Variants in PCDHGA5 observed in about 807,000 individuals in gnomAD.
The protein encoded by PCDHGA5 is protocadherin gamma subfamily A, 5.
PCDHGA5 carries 36 observed loss-of-function variants against 56.7 expected under a neutral mutation model. The observed-to-expected ratio is 0.64, with a 90% CI of 0.49 to 0.84. PCDHGA5 has a LOEUF of 0.84. Among genes scored for constraint, PCDHGA5 ranks in the 40% least tolerant of loss-of-function variants. The probability of loss-of-function intolerance (pLI) is 0.00; values close to 1 mark genes in which losing one functional copy is unlikely to be tolerated. For missense variants in PCDHGA5, 1,305 were observed against 1,201.5 expected (o/e 1.09, Z -1.27); for synonymous variants, 563 against 520.2 (o/e 1.08, Z -1.12).
intron 1 of PCDHGA5, among the ~76,000 whole-genome samples, chr5:141,465,319 T>A (rs184635197): frequency 4.6e-5 from 7 of 152,324 alleles, no homozygotes; most frequent in Admixed American, 1.3e-4. Flanking sequence ...GCCATGTCAA[T>A]GCAGTATTTT....
intron 1 of PCDHGA5, chr5:141,384,205 A>T: frequency 6.2e-7 from 1 of 1,613,874 alleles, no homozygotes; most frequent in Non-Finnish European, 8.5e-7. Context: ...GTCCAGGGAA[A>T]CTCACATATT....
At chr5:141,383,101 T>C (rs1561594429) in intron 1 of PCDHGA5, 2 of 1,613,954 alleles carry the variant, frequency 1.2e-6, no homozygotes, top group Non-Finnish European at 8.5e-7. Flanking sequence ...CCGCATCATC[T>C]CCAGAGGTAG....
At chr5:141,412,264 CT>C (rs765219351) in intron 1 of PCDHGA5, 4 of 152,206 alleles carry the variant, frequency 2.6e-5, no homozygotes, top group Non-Finnish European at 4.4e-5. Context: ...TTTTCTAAAA[CT>C]TTTAGTACTT....
Position 141,372,286 on chromosome 5 carries a change from C to T in PCDHGA5, c.2421+5535C>T, listed in dbSNP as rs62620706. 47 of 1,613,150 alleles carry T rather than the reference C, an allele frequency of 2.9e-5. No homozygotes were observed. The African/African-American group carries it at 5.9e-4, about 20-fold the overall frequency. ...ACGGGTGAGGTGCGCACGGCGCGTA[C>T]CTTGGGCGACAGGGAGGCCGCCCGC... On this transcript the variant is annotated intron_variant, in intron 1 of 3. Coordinates refer to ENST00000518069, the MANE Select transcript of PCDHGA5 (RefSeq NM_018918.3).
At chr5:141,422,044 G>A (rs780284162) in intron 1 of PCDHGA5, 1 of 1,611,530 alleles carries the variant, frequency 6.2e-7, no homozygotes, top group Non-Finnish European at 8.5e-7. Flanking sequence ...TCCAGACGAG[G>A]GAATCAACGG....
chr5:141,430,761 T>G, intron 1 of PCDHGA5: 5 of 1,506,132 alleles, frequency 3.3e-6, no homozygotes, highest in Non-Finnish European at 3.5e-6. Context: ...AAGATAAGAA[T>G]GATTCCTGCG....
At chr5:141,441,852 G>A in intron 1 of PCDHGA5, 1 of 352,826 alleles carries the variant, frequency 2.8e-6, no homozygotes, top group South Asian at 2.4e-5. Flanking sequence ...TGGATATGGT[G>A]CTGCACGCCG....
chr5:141,491,537 C>T lies in PCDHGA5; in HGVS notation c.2422-3270C>T, dbSNP rs1330469043. The T allele has an allele frequency of 3.1e-6, 5 of 1,613,908 alleles. No homozygotes were observed. The highest frequency in any genetic ancestry group is 4.2e-6 in the Non-Finnish European group (5 of 1,180,020). On this transcript the variant is annotated intron_variant, in intron 1 of 3. Transcript: ENST00000518069. This position sits in a 1 kb window ranked among gnomAD's most constrained non-coding sequence, Gnocchi z 6.9. ...AAGTACATGGAGGTGACGCTGCGGC[C>T]CACAGACTCGCAGAGCCACTGCTAC...
chr5:141,433,397 A>ATCTATCTATCTG (rs2097600396), intron 1 of PCDHGA5, among the ~76,000 whole-genome samples: 2 of 150,410 alleles, frequency 1.3e-5, no homozygotes, highest in African/African-American at 2.5e-5. Flanking sequence ...CTATCTATCT[A>ATCTATCTATCTG]TCTATCTATT....
In PCDHGA5 at chr5:141,370,973, G is replaced by T. The variant is rs763236238; in HGVS notation, c.2421+4222G>T. ...ACCTGGATGGCAGTAGGTACCCAGA[G>T]CTAGTACTGAAAGCACCCCTGGACA... is the stretch of plus-strand genomic sequence containing the variant. On this transcript the variant is annotated intron_variant, in intron 1 of 3. Coordinates refer to ENST00000518069, the MANE Select transcript of PCDHGA5 (RefSeq NM_018918.3). 9.3e-6 allele frequency: 15 copies of T among 1,614,010 alleles called. No individual in the cohort carries two copies. Among genetic ancestry groups the T allele is most frequent in the Admixed American group, 1.7e-5 (1 of 60,024 alleles).
intron 1 of PCDHGA5, chr5:141,398,495 T>G: frequency 1.2e-6 from 2 of 1,610,214 alleles, no homozygotes; most frequent in Non-Finnish European, 1.7e-6. Context: ...AATGTGGAGA[T>G]CGAGGACATT....
At position 141,364,745 on chromosome 5, in the gene PCDHGA5, A is replaced by G; in HGVS notation, c.415A>G (p.Lys139Glu). 6.2e-7 allele frequency: 1 copy of G among 1,613,986 alleles called. No individual in the cohort carries two copies. Among genetic ancestry groups the G allele is most frequent in the Non-Finnish European group, 8.5e-7 (1 of 1,179,878 alleles). The change falls in exon 1 of 4, where the codon AAA (lysine) becomes GAA (glutamate). Residue 139 changes from lysine (K) to glutamate (E), a missense_variant. Lys to Glu is a moderately conservative substitution (Grantham distance 56). Coordinates refer to ENST00000518069, the MANE Select transcript of PCDHGA5 (RefSeq NM_018918.3). The stretch of plus-strand genomic sequence containing the variant: ...CCCGCGTTTCCGGGATGAAGAGTTA[A>G]AAGTAAAAGTTAATGAAAATGCGGC... ...NFPRFRDEEL[K>E]VKVNENAAAG... is the part of the protein sequence containing the mutation.
At chr5:141,415,386 A>G (rs1383734863) in intron 1 of PCDHGA5, 9 of 1,614,156 alleles carry the variant, frequency 5.6e-6, no homozygotes, top group Non-Finnish European at 7.6e-6. Flanking sequence ...GCGGCTTGAC[A>G]GGTGTGTCCG....
intron 1 of PCDHGA5, chr5:141,375,613 C>T (rs770657408): frequency 1.2e-6 from 2 of 1,614,226 alleles, no homozygotes; most frequent in Non-Finnish European, 1.7e-6. Context: ...TCAACTCCGA[C>T]ACTGGGATTC....
chr5:141,505,468 G>A lies in PCDHGA5; in HGVS notation c.2556G>A (p.Leu852=). 1 of 1,614,212 alleles carries A rather than the reference G, an allele frequency of 6.2e-7. No homozygotes were observed. Among genetic ancestry groups the A allele is most frequent in the Non-Finnish European group, 8.5e-7 (1 of 1,180,020 alleles). The change falls in exon 3 of 4, where the codon TTG becomes TTA. Residue 852 remains leucine (L), a synonymous_variant. Coordinates refer to ENST00000518069, the MANE Select transcript of PCDHGA5 (RefSeq NM_018918.3). The stretch of plus-strand genomic sequence containing the variant: ...CAGAGATGCTGCAAGCCATGATCTT[G>A]GCGTCCGCCAGTGGTAAGTGGTGTC... The part of the protein sequence containing the change: ...FDTEMLQAMI[L]ASASEAADGS...
intron 1 of PCDHGA5, chr5:141,375,961 G>A: frequency 6.2e-7 from 1 of 1,613,370 alleles, no homozygotes; most frequent in Non-Finnish European, 8.5e-7. Flanking sequence ...CGGGCGAGGT[G>A]CGCACGGCGC....
rs772807357 is a variant in PCDHGA5, at chr5:141,431,758, C to G, written c.2422-63049C>G. On this transcript the variant is annotated intron_variant, in intron 1 of 3. Transcript: ENST00000518069. This position sits in a 1 kb window ranked among gnomAD's most constrained non-coding sequence, Gnocchi z 4.8. ...CAGGATATTCTGCGCGAGCCAAAGTCCTGATCACTGTTCTGGACGTGAACG... is the reference window on the plus strand; with the variant it reads ...CAGGATATTCTGCGCGAGCCAAAGTGCTGATCACTGTTCTGGACGTGAACG... 2.0e-5 allele frequency: 32 copies of G among 1,614,054 alleles called. No individual in the cohort carries two copies. The highest frequency in any genetic ancestry group is 2.6e-5 in the Non-Finnish European group (31 of 1,180,028).
chr5:141,448,915 A>T (rs2098616551), intron 1 of PCDHGA5, among the ~76,000 whole-genome samples: 1 of 152,238 alleles, frequency 6.6e-6, no homozygotes. Context: ...ACTGCACTCC[A>T]GCCTGGGCGA....
intron 1 of PCDHGA5, chr5:141,394,998 G>C: frequency 2.5e-6 from 4 of 1,614,010 alleles, no homozygotes; most frequent in Non-Finnish European, 3.4e-6. Context: ...CCAGGATTCC[G>C]GTGGCAGATT....
Sources: gnomAD v4.1 joint callset for allele counts (sites outside exome capture counted in the v4.1 genomes callset) on GRCh38, gnomAD v4.1.1 for gene constraint, Gnocchi (gnomAD v3.1) non-coding constraint, MANE v1.5 for transcripts, NCBI Gene and HGNC (gene_info 2026-07-23, HGNC 2026-07-21) for gene names.